HSP90B1: variants seen among roughly 807,000 people sequenced by gnomAD.
HSP90B1 encodes the protein endoplasmin.
Under a neutral mutation model 100.4 loss-of-function variants are expected in HSP90B1, and 27 were observed. That is an observed-to-expected ratio of 0.27 (90% confidence interval 0.20 to 0.37). The LOEUF is 0.37. Among genes scored for constraint, HSP90B1 ranks in the 10% least tolerant of loss-of-function variants. The pLI, the probability that HSP90B1 is intolerant of heterozygous loss-of-function variation, is 1.00. For missense variants in HSP90B1, 678 were observed against 960.5 expected, an observed-to-expected ratio of 0.71 and a Z score of 3.89; for synonymous variants, 304 against 330.8, an observed-to-expected ratio of 0.92 and a Z score of 0.88.
chr12:103,935,736 T>TG (rs1415853360), intron 5 of HSP90B1, among the ~76,000 whole-genome samples: 1 of 152,182 alleles, frequency 6.6e-6, no homozygotes. Context: ...TTTTAAGCAC[T>TG]GGGCTAGATG....
At position 103,941,812 on chromosome 12, in the gene HSP90B1, C is replaced by A; in HGVS notation, c.1309-20C>A. 1.2e-6 allele frequency: 2 copies of A among 1,612,482 alleles called. No homozygotes were observed. The highest frequency in any genetic ancestry group is 1.7e-6 in the Non-Finnish European group (2 of 1,178,526). On this transcript the variant is annotated intron_variant, in intron 10 of 17. Coordinates refer to ENST00000299767, the MANE Select transcript of HSP90B1 (RefSeq NM_003299.3). ...TCCAGTGGTTTTATTGCTCACTGAA[C>A]TTTCTTTTGCCATCTGAAGGTGGAC...
At chr12:103,937,499 G>A (rs1869950915) in intron 5 of HSP90B1, among the ~76,000 whole-genome samples, 196 bp from the exon 6 acceptor site, 1 of 152,176 alleles carries the variant, frequency 6.6e-6, no homozygotes, top group African/African-American at 2.4e-5. Context: ...TAATGTAGAG[G>A]AGATTCTTCT....
chr12:103,943,730 T>A lies in HSP90B1; in HGVS notation c.1891-8T>A, dbSNP rs373453486. On this transcript the variant is annotated splice_polypyrimidine_tract_variant and splice_region_variant and intron_variant, in intron 13 of 17. Transcript: ENST00000299767. The surrounding 1 kb of genome is among the most constrained non-coding windows in gnomAD (Gnocchi z 5.3). The stretch of plus-strand genomic sequence containing the variant: ...ATTAATTTATATGACTTGATTTCTT[T>A]CCCTAAGATTGAAAAGGCTGTGGTG... 2.5e-5 allele frequency: 40 copies of A among 1,609,474 alleles called. No homozygotes were observed. The highest frequency in any genetic ancestry group is 1.2e-4 in the Admixed American group (7 of 58,694).
intron 8 of HSP90B1, among the ~76,000 whole-genome samples, 157 bp from the exon 9 acceptor site, chr12:103,941,253 C>T (rs1366474798): frequency 1.3e-5 from 2 of 152,062 alleles, no homozygotes; most frequent in African/African-American, 4.8e-5. Flanking sequence ...TCTCTTCCCC[C>T]CACCCTTTTC....
chr12:103,933,531 T>C (rs1869825808), intron 4 of HSP90B1, among the ~76,000 whole-genome samples: 1 of 152,266 alleles, frequency 6.6e-6, no homozygotes, highest in Non-Finnish European at 1.5e-5. Context: ...AGTAGAGTAC[T>C]CCTAAGTTTC....
rs1412202739 is a variant in HSP90B1, at chr12:103,947,536, G to A, written c.2383-97G>A. ...CTGTGTAACTTACAGAAGTCAGACT[G>A]AGCATTTAAATTGTTTATTTCATGC... On this transcript the variant is annotated intron_variant, in intron 17 of 17. Coordinates refer to ENST00000299767, the MANE Select transcript of HSP90B1 (RefSeq NM_003299.3). 29 of 1,589,924 alleles carry A rather than the reference G, an allele frequency of 1.8e-5. No homozygotes were observed. In the South Asian group the frequency reaches 2.7e-4, roughly 15 times the overall value.
intron 16 of HSP90B1, 86 bp downstream of exon 16, chr12:103,947,027 G>A (rs564615579): frequency 1.4e-6 from 2 of 1,401,428 alleles, no homozygotes; most frequent in African/African-American, 1.4e-5. Context: ...ATTGAGGGAT[G>A]TAGCTTTGCG....
intron 7 of HSP90B1, among the ~76,000 whole-genome samples, chr12:103,939,140 C>T (rs746348538): frequency 1.2e-4 from 18 of 151,260 alleles, no homozygotes; most frequent in Non-Finnish European, 1.5e-4. Context: ...GTCTCTGCCA[C>T]CCAGGCTGGA....
At position 103,936,662 on chromosome 12, in the gene HSP90B1, C is replaced by T. The variant is rs190738512; in HGVS notation, c.744-1033C>T. Among the ~76,000 whole-genome samples, 1,272 of 148,550 alleles carry T rather than the reference C, an allele frequency of 8.6e-3. 7 individuals carry two copies. The highest frequency in any genetic ancestry group is 0.032 in the Middle Eastern group (9 of 282). On this transcript the variant is annotated intron_variant, in intron 5 of 17. Coordinates refer to ENST00000299767, the MANE Select transcript of HSP90B1 (RefSeq NM_003299.3). ...AAAAAAAAGTGTCCCAATAAAATTT[C>T]TAATGGGTGCCAGCTGTACAGCTAT...
chr12:103,937,554 G>T (rs568183077), intron 5 of HSP90B1, 141 bp from the exon 6 acceptor site: 1 of 619,690 alleles, frequency 1.6e-6, no homozygotes, highest in East Asian at 3.0e-5. Context: ...ACAAACCCTT[G>T]TTGGTGATGG....
At chr12:103,935,709 G>A (rs1869894396) in intron 5 of HSP90B1, among the ~76,000 whole-genome samples, 1 of 152,110 alleles carries the variant, frequency 6.6e-6, no homozygotes, top group Admixed American at 6.5e-5. Context: ...TAAGAGTTAT[G>A]CCCCAGTGCC....
chr12:103,942,870 A>G, intron 12 of HSP90B1, 74 bp downstream of exon 12: 1 of 1,546,842 alleles, frequency 6.5e-7, no homozygotes, highest in Non-Finnish European at 8.8e-7. Flanking sequence ...CTTGAGGGGG[A>G]GAAAAGGAAA....
chr12:103,937,920 A>C, intron 6 of HSP90B1, 114 bp downstream of exon 6: 1 of 582,372 alleles, frequency 1.7e-6, no homozygotes, highest in Non-Finnish European at 3.1e-6. Context: ...TAATCCCCGC[A>C]CTTTGGGAGG....
rs560306771 is a variant in HSP90B1, at chr12:103,930,540, C to G, written c.25C>G (p.Leu9Val). MRALWVLG[L>V]CCVLLTFGSV... ...CATGAGGGCCCTGTGGGTGCTGGGC[C>G]TCTGCTGCGTCCTGCTGACCTTCGG... The change falls in exon 1 of 18, where the codon CTC (leucine) becomes GTC (valine). Residue 9 changes from leucine to valine, a missense_variant. Around this residue, in one of 8 missense-constraint regions of HSP90B1, gnomAD observed 88 missense variants for 88.2 expected, o/e 1.00. Coordinates refer to ENST00000299767, the MANE Select transcript of HSP90B1 (RefSeq NM_003299.3). This position sits in a 1 kb window ranked among gnomAD's most constrained non-coding sequence, Gnocchi z 4.4. The G allele has an allele frequency of 5.0e-6, 8 of 1,611,316 alleles. No individual in the cohort carries two copies. In the East Asian group the frequency reaches 1.8e-4, roughly 36 times the overall value.
At position 103,932,875 on chromosome 12, in the gene HSP90B1, T is replaced by G. The variant is rs761441712; in HGVS notation, c.344T>G (p.Ile115Arg). 6.2e-7 allele frequency: 1 copy of G among 1,607,254 alleles called. No individual in the cohort carries two copies. The highest frequency in any genetic ancestry group is 8.5e-7 in the Non-Finnish European group (1 of 1,173,972). ...AATGCTTCTGATGCTTTAGATAAGA[T>G]AAGGCTAATATCACTGACTGATGAA... ...ISNASDALDK[I>R]RLISLTDENA... The change falls in exon 4 of 18, where the codon ATA (isoleucine) becomes AGA (arginine). Residue 115 changes from isoleucine to arginine, a missense_variant. Ile to Arg is a moderately conservative substitution (Grantham distance 97). Coordinates refer to ENST00000299767, the MANE Select transcript of HSP90B1 (RefSeq NM_003299.3).
At chr12:103,933,402 C>T (rs1279029046) in intron 4 of HSP90B1, among the ~76,000 whole-genome samples, 2 of 152,226 alleles carry the variant, frequency 1.3e-5, no homozygotes, top group Non-Finnish European at 2.9e-5. Context: ...CTTAGAGGGT[C>T]TCATACTATT....
At chr12:103,941,740 G>T (rs1373445121) in intron 10 of HSP90B1, 34 bp downstream of exon 10, 3 of 1,604,744 alleles carry the variant, frequency 1.9e-6, no homozygotes, top group Non-Finnish European at 1.7e-6. Flanking sequence ...AGGGGTGATT[G>T]TTGTGGGGGT....
intron 4 of HSP90B1, among the ~76,000 whole-genome samples, chr12:103,933,386 A>T (rs1456499882): frequency 6.6e-6 from 1 of 152,262 alleles, no homozygotes; most frequent in Admixed American, 6.5e-5. Flanking sequence ...CATGGTGCAG[A>T]GCAAGCTTAG....
intron 4 of HSP90B1, 97 bp downstream of exon 4, chr12:103,933,039 G>A: frequency 1.4e-5 from 9 of 666,092 alleles, no homozygotes; most frequent in South Asian, 1.9e-5. Flanking sequence ...ATTTTGCAGT[G>A]GCAAAAAAAC....
Sources: allele counts gnomAD v4.1 joint callset (sites outside exome capture counted in the v4.1 genomes callset), GRCh38; gene constraint gnomAD v4.1.1; regional missense constraint gnomAD v4.1.1; non-coding constraint Gnocchi (gnomAD v3.1); transcripts MANE v1.5; gene names NCBI Gene and HGNC (gene_info 2026-07-23, HGNC 2026-07-21).